ATP10B: variants seen among roughly 807,000 people sequenced by gnomAD.
ATP10B encodes the protein ATPase phospholipid transporting 10B (putative).
In ATP10B, 122 loss-of-function variants were observed where a neutral mutation model predicts 141.2. The observed-to-expected ratio is 0.86, with a 90% confidence interval of 0.75 to 1.00. The LOEUF (loss-of-function observed/expected upper bound fraction) is 1.00. Ranked by LOEUF, ATP10B falls within the 50% of genes least tolerant of loss-of-function variation. The pLI, the probability that ATP10B is intolerant of heterozygous loss-of-function variation, is 0.00. For synonymous variants in ATP10B, 685 were observed against 692.0 expected, an observed-to-expected ratio of 0.99 and a Z score of 0.16; for missense variants, 1,876 against 1,825.3, an observed-to-expected ratio of 1.03 and a Z score of -0.51.
intron 2 of ATP10B, among the ~76,000 whole-genome samples, chr5:160,743,286 T>C (rs1767598199): frequency 2.6e-5 from 4 of 152,188 alleles, no homozygotes; most frequent in African/African-American, 9.7e-5. Flanking sequence ...ACAGGGTGTG[T>C]ATCTTAAGCC....
At chr5:160,872,003 T>C in the ATP10B span, among the ~76,000 whole-genome samples, 1 of 152,142 alleles carries the variant, frequency 6.6e-6, no homozygotes, top group Non-Finnish European at 1.5e-5. Context: ...CTAGTTTATA[T>C]TCCCACCAGC....
chr5:160,891,833 T>G, the ATP10B span, among the ~76,000 whole-genome samples: 1 of 152,216 alleles, frequency 6.6e-6, no homozygotes. Context: ...TTTACTTAGG[T>G]GAGCTATTTT....
intron 3 of ATP10B, among the ~76,000 whole-genome samples, chr5:160,707,109 C>A (rs966516506): frequency 6.6e-6 from 1 of 152,116 alleles, no homozygotes; most frequent in African/African-American, 2.4e-5. Context: ...TGCCACCACG[C>A]CTCGCTAATT....
At chr5:160,915,134 C>T in the ATP10B span, among the ~76,000 whole-genome samples, 1 of 152,186 alleles carries the variant, frequency 6.6e-6, no homozygotes, top group Non-Finnish European at 1.5e-5. Context: ...ATCACTAAAA[C>T]CTTTTCAAAT....
intron 24 of ATP10B, among the ~76,000 whole-genome samples, chr5:160,578,011 T>C (rs1235094858): frequency 1.3e-5 from 2 of 152,186 alleles, no homozygotes; most frequent in Non-Finnish European, 2.9e-5. Context: ...AAACTATGAT[T>C]GTGAATTTGT....
rs1488903144 is a variant in ATP10B at position 160,787,120 on chromosome 5, A to ACACACACAC, written c.-575-1326_-575-1318dup. Among the ~76,000 whole-genome samples, 13 of 120,326 alleles carry ACACACACAC rather than the reference A, an allele frequency of 1.1e-4. No individual in the cohort carries two copies. The East Asian group carries it at 1.1e-3, about 10-fold the overall frequency. The allele number at this position is 120,326 out of a possible 152,430, so 78.9% of individuals were successfully genotyped here. A position where few individuals can be genotyped will look rare whatever the true frequency, so the allele number is the denominator to read the frequency against. ...TTTTGACACAGACACACACACACAC[A>ACACACACAC]CACACACACACACACACACACACAC... On this transcript the variant is annotated intron_variant, in intron 1 of 25. Transcript: ENST00000327245.
chr5:160,826,050 GTTCA>G (rs1184234615), intron 1 of ATP10B, among the ~76,000 whole-genome samples: 10 of 152,064 alleles, frequency 6.6e-5, no homozygotes, highest in Non-Finnish European at 2.9e-5. Flanking sequence ...TCTTTATCCT[GTTCA>G]TTGTTGATGG....
chr5:160,661,308 C>A (rs1215678705), intron 7 of ATP10B, among the ~76,000 whole-genome samples: 1 of 152,058 alleles, frequency 6.6e-6, no homozygotes, highest in Non-Finnish European at 1.5e-5. Flanking sequence ...GGGGCACTTA[C>A]AGAATAAAAG....
At chr5:160,900,920 T>TTTG in the ATP10B span, among the ~76,000 whole-genome samples, 1 of 149,778 alleles carries the variant, frequency 6.7e-6, no homozygotes, top group South Asian at 2.2e-4. Context: ...TTTTTTTTTT[T>TTTG]TTTTTTTTTT....
At chr5:160,897,113 T>G in the ATP10B span, among the ~76,000 whole-genome samples, 1 of 152,202 alleles carries the variant, frequency 6.6e-6, no homozygotes, top group Admixed American at 6.5e-5. Flanking sequence ...GCTGGAAGCA[T>G]TCCCTTTGAA....
chr5:160,755,582 G>A (rs1327786512), intron 2 of ATP10B, among the ~76,000 whole-genome samples: 4 of 150,360 alleles, frequency 2.7e-5, no homozygotes, highest in Admixed American at 1.3e-4. Context: ...TTGGGAGGCC[G>A]AGGCGGGCGG....
chr5:160,784,946 G>T (rs938148456), intron 2 of ATP10B, among the ~76,000 whole-genome samples: 50 of 152,230 alleles, frequency 3.3e-4, no homozygotes, highest in African/African-American at 1.2e-3. Context: ...TTCAGGGAAT[G>T]TGAGTCCCAT....
chr5:160,893,987 G>C, the ATP10B span, among the ~76,000 whole-genome samples: 1 of 152,086 alleles, frequency 6.6e-6, no homozygotes, highest in Non-Finnish European at 1.5e-5. Context: ...AAACAGAAAG[G>C]AATAGTATCA....
In ATP10B at chr5:160,686,074, C is replaced by T. The variant is rs551433413; in HGVS notation, c.470+5G>A. On this transcript the variant is annotated splice_donor_5th_base_variant and intron_variant, in intron 6 of 25. Transcript: ENST00000327245. ...AAGAGAGAACACAGGGATGGTTTTT[C>T]TTACCTTTCATAAATTCGAATGTTG... The T allele has an allele frequency of 6.5e-7, 1 of 1,549,604 alleles. No homozygotes were observed. The highest frequency in any genetic ancestry group is 1.4e-5 in the African/African-American group (1 of 73,708).
intron 1 of ATP10B, among the ~76,000 whole-genome samples, chr5:160,831,693 GAC>G (rs1775090878): frequency 6.6e-6 from 1 of 152,020 alleles, no homozygotes; most frequent in African/African-American, 2.4e-5. Flanking sequence ...AAGAAGAAAA[GAC>G]AATTCATTGT....
intron 6 of ATP10B, among the ~76,000 whole-genome samples, chr5:160,683,039 CCAA>C (rs1763518665): frequency 4.3e-5 from 4 of 93,222 alleles, no homozygotes; most frequent in Admixed American, 1.0e-4. Context: ...ACTCTGTCCC[CCAA>C]AAAAAAAAAA....
At chr5:160,745,924 C>G (rs1237020726) in intron 2 of ATP10B, among the ~76,000 whole-genome samples, 1 of 152,194 alleles carries the variant, frequency 6.6e-6, no homozygotes, top group Non-Finnish European at 1.5e-5. Flanking sequence ...ATTCCACTGC[C>G]ATAATTTAAA....
chr5:160,639,099 C>T (rs1018648164), intron 10 of ATP10B: 2 of 152,328 alleles, frequency 1.3e-5, no homozygotes, highest in Admixed American at 1.3e-4. Context: ...TGTGATTTTC[C>T]TGGGGCTAAG....
At chr5:160,836,454 A>G (rs1254641304) in intron 1 of ATP10B, among the ~76,000 whole-genome samples, 2 of 152,124 alleles carry the variant, frequency 1.3e-5, no homozygotes, top group Non-Finnish European at 2.9e-5. Flanking sequence ...TAAATGAGAT[A>G]AAGTTCTCTC....
Sources: allele counts gnomAD v4.1 joint callset (sites outside exome capture counted in the v4.1 genomes callset), GRCh38; gene constraint gnomAD v4.1.1; transcripts MANE v1.5; gene names NCBI Gene and HGNC (gene_info 2026-07-23, HGNC 2026-07-21).